Variants in NGLY1 observed in about 807,000 individuals in gnomAD.
NGLY1 encodes the protein peptide-N(4)-(N-acetyl-beta-glucosaminyl)asparagine amidase.
A neutral mutation model predicts 84.6 loss-of-function variants in NGLY1; 68 were observed. That is an observed-to-expected ratio of 0.80 (90% CI 0.66 to 0.98). The LOEUF is 0.98. Among genes scored for constraint, NGLY1 ranks in the 50% least tolerant of loss-of-function variants. The pLI is 0.00. For missense variants in NGLY1, 779 were observed against 770.2 expected (o/e 1.01, Z -0.14); for synonymous variants, 280 against 275.2 (o/e 1.02, Z -0.17).
intron 10 of NGLY1, among the ~76,000 whole-genome samples, chr3:25,725,001 T>C (rs1705180485): frequency 6.6e-6 from 1 of 152,230 alleles, no homozygotes; most frequent in Non-Finnish European, 1.5e-5. Flanking sequence ...TTCTTGGAGC[T>C]GACCATAAAT....
At chr3:25,742,574 G>A (rs1424219214) in intron 4 of NGLY1, among the ~76,000 whole-genome samples, 1 of 152,124 alleles carries the variant, frequency 6.6e-6, no homozygotes, top group Non-Finnish European at 1.5e-5. Context: ...CATATAATAT[G>A]AAAGCTTTCC....
At chr3:25,754,661 T>C (rs971794127) in intron 3 of NGLY1, among the ~76,000 whole-genome samples, 3 of 72,712 alleles carry the variant, frequency 4.1e-5, no homozygotes, top group African/African-American at 8.1e-5. Context: ...TTACAACTGT[T>C]AGGAAAAAAA....
intron 4 of NGLY1, among the ~76,000 whole-genome samples, chr3:25,747,329 TTAA>T (rs1706486362): frequency 6.6e-6 from 1 of 152,234 alleles, no homozygotes; most frequent in East Asian, 1.9e-4. Context: ...TAATCACATA[TTAA>T]TAAACATTCT....
intron 2 of NGLY1, among the ~76,000 whole-genome samples, chr3:25,771,052 G>A (rs562345544): frequency 2.0e-5 from 3 of 152,070 alleles, no homozygotes; most frequent in Non-Finnish European, 4.4e-5. Flanking sequence ...TTCAGTATAA[G>A]CTCCATCTAT....
At chr3:25,769,119 G>A (rs916820471) in intron 2 of NGLY1, among the ~76,000 whole-genome samples, 5 of 152,072 alleles carry the variant, frequency 3.3e-5, no homozygotes, top group South Asian at 4.1e-4. Context: ...AGCACTTTGG[G>A]AGACCAAGGT....
chr3:25,721,318 G>C (rs1378544749), intron 10 of NGLY1, among the ~76,000 whole-genome samples: 1 of 152,182 alleles, frequency 6.6e-6, no homozygotes, highest in Non-Finnish European at 1.5e-5. Flanking sequence ...GAGTTGCTGA[G>C]ATTGTAGGTG....
At position 25,764,066 on chromosome 3, in the gene NGLY1, C is replaced by T. The variant is rs778126026; in HGVS notation, c.492G>A (p.Thr164=). 12 of 1,613,864 alleles carry T rather than the reference C, an allele frequency of 7.4e-6. No individual in the cohort carries two copies. The highest frequency in any genetic ancestry group is 2.2e-5 in the East Asian group (1 of 44,886). ...AAAGAAGGTTTAATTCTAACATTAC[C>T]GTTGAAGCAGATGGTGGATCTGATG... is the stretch of plus-strand genomic sequence containing the variant. The part of the protein sequence containing the change: ...GQSSDPPSAS[T]VAADSAILEV... The change falls in exon 3 of 12, where the codon ACG becomes ACA. Residue 164 remains threonine (T), a splice_region_variant and synonymous_variant. Coordinates refer to ENST00000280700, the MANE Select transcript of NGLY1 (RefSeq NM_018297.4).
chr3:25,734,009 C>T (rs1366136078), intron 7 of NGLY1, 27 bp from the exon 8 acceptor site: 5 of 1,607,138 alleles, frequency 3.1e-6, no homozygotes, highest in Non-Finnish European at 4.3e-6. Flanking sequence ...AATACAAATA[C>T]TTAACAAGAT....
At position 25,754,956 on chromosome 3, in the gene NGLY1, A is replaced by ACGC. The variant is rs1706961327; in HGVS notation, c.493-3696_493-3694dup. ...TTGGGCAAGATGGCACTTCCCAAGAACGCTCCTAGGGATGCCTTGGTGATG... is the reference window on the plus strand; with the variant it reads ...TTGGGCAAGATGGCACTTCCCAAGAACGCCGCTCCTAGGGATGCCTTGGTGATG... On this transcript the variant is annotated intron_variant, in intron 3 of 11. Transcript: ENST00000280700. 16 of 742,320 alleles carry ACGC rather than the reference A, an allele frequency of 2.2e-5. 1 individual carries two copies. The South Asian group carries it at 2.4e-4, about 11-fold the overall frequency. The allele number at this position is 742,320 out of a possible 1,614,324, so 46.0% of individuals were successfully genotyped here. A position where few individuals can be genotyped will look rare whatever the true frequency, so the allele number is the denominator to read the frequency against.
chr3:25,759,614 A>G (rs751239423), intron 3 of NGLY1, among the ~76,000 whole-genome samples: 2 of 152,208 alleles, frequency 1.3e-5, no homozygotes, highest in African/African-American at 2.4e-5. Context: ...ATAAAAATAG[A>G]AAGTTGCTGA....
At chr3:25,720,584 T>A (rs1306283235) in intron 10 of NGLY1, among the ~76,000 whole-genome samples, 1 of 152,204 alleles carries the variant, frequency 6.6e-6, no homozygotes, top group Non-Finnish European at 1.5e-5. Flanking sequence ...AAGTCTGGAT[T>A]TTCATATACG....
chr3:25,781,116 A>AT (rs1708395841), intron 1 of NGLY1, among the ~76,000 whole-genome samples: 1 of 151,876 alleles, frequency 6.6e-6, no homozygotes, highest in Non-Finnish European at 1.5e-5. Flanking sequence ...CGCTTGGCTA[A>AT]TTTTTTAATT....
intron 1 of NGLY1, chr3:25,782,624 G>A (rs527748516): frequency 6.2e-4 from 94 of 152,186 alleles, no homozygotes; most frequent in African/African-American, 2.2e-3. Flanking sequence ...TTCTTAAAGG[G>A]TTATGTTACA....
In NGLY1 at chr3:25,751,256, G is replaced by A; in HGVS notation, c.500C>T (p.Ala167Val). ...AAGAACTTCTAGAATGGCTGAGTCA[G>A]CAGCAACCTAATAGGAAAAAAAAAA... is the stretch of plus-strand genomic sequence containing the variant. The part of the protein sequence containing the change: ...SDPPSASTVA[A>V]DSAILEVLQS... Residue 167 changes from alanine to valine, a missense_variant, in exon 4 of 12, where the codon GCT (alanine) becomes GTT (valine). Ala to Val is a moderately conservative substitution (Grantham distance 64, BLOSUM62 0). Coordinates refer to ENST00000280700, the MANE Select transcript of NGLY1 (RefSeq NM_018297.4). 2 of 1,550,548 alleles carry A rather than the reference G, an allele frequency of 1.3e-6. No homozygotes were observed. The highest frequency in any genetic ancestry group is 1.7e-6 in the Non-Finnish European group (2 of 1,151,390).
chr3:25,721,269 G>A (rs925423146), intron 10 of NGLY1, among the ~76,000 whole-genome samples: 1 of 152,226 alleles, frequency 6.6e-6, no homozygotes, highest in East Asian at 1.9e-4. Context: ...GTCTCACTAT[G>A]TTGCCCAGGC....
At chr3:25,755,212 G>T (rs904905722) in intron 3 of NGLY1, 38 of 1,370,018 alleles carry the variant, frequency 2.8e-5, no homozygotes, top group Admixed American at 6.7e-5. Flanking sequence ...ATATTGCAAG[G>T]CAGAAAAATC....
At chr3:25,771,596 A>T (rs1707893993) in intron 2 of NGLY1, among the ~76,000 whole-genome samples, 1 of 152,046 alleles carries the variant, frequency 6.6e-6, no homozygotes, top group Non-Finnish European at 1.5e-5. Context: ...TGGGAATTGC[A>T]TTGAATTTGG....
intron 4 of NGLY1, among the ~76,000 whole-genome samples, chr3:25,750,528 C>T (rs1407725870): frequency 6.6e-6 from 1 of 151,742 alleles, no homozygotes; most frequent in Non-Finnish European, 1.5e-5. Context: ...TTCAGTTTTA[C>T]AAGATAAAAA....
At chr3:25,755,976 T>C (rs2125526585) in intron 3 of NGLY1, among the ~76,000 whole-genome samples, 1 of 152,344 alleles carries the variant, frequency 6.6e-6, no homozygotes, top group Non-Finnish European at 1.5e-5. Flanking sequence ...TTTTAGGTTC[T>C]ACAGCCTGGT....
Sources: allele counts gnomAD v4.1 joint callset (sites outside exome capture counted in the v4.1 genomes callset), GRCh38; gene constraint gnomAD v4.1.1; transcripts MANE v1.5; gene names NCBI Gene and HGNC (gene_info 2026-07-23, HGNC 2026-07-21).